The following KIF6 variants were observed in gnomAD, a reference collection of about 807,000 sequenced individuals.
KIF6 encodes the protein kinesin family member 6.
A neutral mutation model predicts 112.7 loss-of-function variants in KIF6; 106 were observed. The observed-to-expected ratio is 0.94, with a 90% CI of 0.80 to 1.11. The LOEUF is 1.11. Among genes scored for constraint, KIF6 ranks in the 50% least tolerant of loss-of-function variants. The pLI is 0.00. For missense variants in KIF6, 929 were observed against 964.0 expected (o/e 0.96, Z 0.48); for synonymous variants, 339 against 339.9 (o/e 1.00, Z 0.03).
chr6:39,487,572 C>T (rs1439933235), intron 13 of KIF6, among the ~76,000 whole-genome samples: 4 of 152,074 alleles, frequency 2.6e-5, no homozygotes, highest in Admixed American at 2.0e-4. Flanking sequence ...GGTGTCAATG[C>T]CAAGAGTTCT....
At chr6:39,691,234 A>G (rs1383676233) in intron 3 of KIF6, 1 of 152,224 alleles carries the variant, frequency 6.6e-6, no homozygotes, top group Non-Finnish European at 1.5e-5. Flanking sequence ...TTTCTGAGAG[A>G]AGAGTAAAGG....
At chr6:39,545,885 A>AT (rs1167900486) in intron 10 of KIF6, among the ~76,000 whole-genome samples, 197 bp from the exon 11 acceptor site, 2 of 152,206 alleles carry the variant, frequency 1.3e-5, no homozygotes, top group African/African-American at 4.8e-5. Context: ...TATTTGACTA[A>AT]TTTCCAGTGA....
At chr6:39,537,746 C>T (rs1778529738) in intron 13 of KIF6, among the ~76,000 whole-genome samples, 1 of 152,118 alleles carries the variant, frequency 6.6e-6, no homozygotes, top group African/African-American at 2.4e-5. Flanking sequence ...CAAAAAAGAG[C>T]CCGCATCACC....
chr6:39,358,270 T>C (rs1242333849), intron 18 of KIF6, among the ~76,000 whole-genome samples: 1 of 152,260 alleles, frequency 6.6e-6, no homozygotes, highest in Non-Finnish European at 1.5e-5. Context: ...AAGGCTATCC[T>C]AGAAGTTTCT....
intron 13 of KIF6, among the ~76,000 whole-genome samples, chr6:39,456,984 A>G (rs1773162698): frequency 6.8e-6 from 1 of 146,634 alleles, no homozygotes; most frequent in Admixed American, 6.8e-5. Context: ...CAACAAGGAT[A>G]CCCAGGAATT....
At chr6:39,464,673 G>A (rs1353518320) in intron 13 of KIF6, among the ~76,000 whole-genome samples, 2 of 152,158 alleles carry the variant, frequency 1.3e-5, no homozygotes, top group South Asian at 2.1e-4. Flanking sequence ...GGGCAGCCAG[G>A]TGGGGCCAGC....
intron 13 of KIF6, chr6:39,431,464 G>A (rs560165383): frequency 6.0e-5 from 16 of 267,760 alleles, no homozygotes; most frequent in Non-Finnish European, 8.4e-5. Flanking sequence ...CTGGACTGCC[G>A]AGGATGTCTG....
chr6:39,654,830 T>C (rs2465671), intron 3 of KIF6, among the ~76,000 whole-genome samples: 6,024 of 152,306 alleles, frequency 0.04, 346 homozygotes, highest in African/African-American at 0.13. Flanking sequence ...CTCACATCAG[T>C]AGATCCACCT....
chr6:39,489,878 G>A (rs1775365908), intron 13 of KIF6, among the ~76,000 whole-genome samples: 1 of 152,176 alleles, frequency 6.6e-6, no homozygotes, highest in African/African-American at 2.4e-5. Flanking sequence ...AGAGCAGAAA[G>A]CAGAAAATAT....
chr6:39,549,924 A>G (rs967099515), intron 10 of KIF6, among the ~76,000 whole-genome samples: 4 of 152,154 alleles, frequency 2.6e-5, no homozygotes, highest in Non-Finnish European at 5.9e-5. Context: ...TGTAACACAC[A>G]TAAGAAGACT....
At chr6:39,522,050 T>C (rs1777429958) in intron 13 of KIF6, among the ~76,000 whole-genome samples, 1 of 151,770 alleles carries the variant, frequency 6.6e-6, no homozygotes, top group Admixed American at 6.6e-5. Context: ...TCCATTGCAG[T>C]TTAACTCTCC....
At chr6:39,598,334 T>C (rs1324909869) in intron 6 of KIF6, among the ~76,000 whole-genome samples, 3 of 152,158 alleles carry the variant, frequency 2.0e-5, no homozygotes, top group Middle Eastern at 3.2e-3. Context: ...AATTTATACA[T>C]AATCAGAACC....
At chr6:39,711,476 T>C (rs536886843) in intron 3 of KIF6, among the ~76,000 whole-genome samples, 2 of 152,120 alleles carry the variant, frequency 1.3e-5, no homozygotes, top group Admixed American at 1.3e-4. Context: ...GCTTAAGTGA[T>C]CCTCCCACCC....
intron 19 of KIF6, among the ~76,000 whole-genome samples, chr6:39,356,119 A>G (rs908750655): frequency 1.3e-5 from 2 of 151,880 alleles, no homozygotes; most frequent in African/African-American, 2.4e-5. Flanking sequence ...AATTTGAGGC[A>G]TGCTAGTCAG....
rs1763766405 is a variant in KIF6 at position 39,346,132 on chromosome 6, C to CTCTCT, written c.2231+343_2232-343insAGAGA. On this transcript the variant is annotated intron_variant, in intron 20 of 22. Coordinates refer to ENST00000287152, the MANE Select transcript of KIF6 (RefSeq NM_145027.6). Reference sequence around the variant, plus strand: ...CTCCCTCTCCCTCTCCCTCCCTCTCCCTCTCTCTCTCTCTCTCTCTCTCTC... The same window carrying CTCTCT: ...CTCCCTCTCCCTCTCCCTCCCTCTCCTCTCTCTCTCTCTCTCTCTCTCTCTCTCTC... 1.4e-3 allele frequency among the ~76,000 whole-genome samples: 38 copies of CTCTCT among 26,934 alleles called. 2 individuals carry two copies. Among genetic ancestry groups the CTCTCT allele is most frequent in the Non-Finnish European group, 1.9e-3 (26 of 13,914 alleles). 17.7% of individuals were successfully genotyped at this position (26,934 alleles called of 152,430 possible).
intron 3 of KIF6, among the ~76,000 whole-genome samples, chr6:39,678,546 T>C (rs1324867811): frequency 6.6e-6 from 1 of 152,204 alleles, no homozygotes; most frequent in East Asian, 1.9e-4. Context: ...TCCCACTGTG[T>C]TCCACTTTGA....
In KIF6 at chr6:39,423,851, C is replaced by T. The variant is rs1417014540; in HGVS notation, c.1755-3848G>A. ...TAGCTCCAACTGCCTGAGAGCAGAA[C>T]GCTGCCATCTCTCCCAGATTATTGC... On this transcript the variant is annotated intron_variant, in intron 14 of 22. Transcript: ENST00000287152. 3.9e-5 allele frequency among the ~76,000 whole-genome samples: 6 copies of T among 152,270 alleles called. No homozygotes were observed. The South Asian group carries it at 6.2e-4, about 16-fold the overall frequency.
chr6:39,405,510 A>G (rs552266398), intron 15 of KIF6, among the ~76,000 whole-genome samples: 1 of 152,280 alleles, frequency 6.6e-6, no homozygotes, highest in African/African-American at 2.4e-5. Flanking sequence ...GGTGGATTAT[A>G]TTGATTGATT....
intron 10 of KIF6, among the ~76,000 whole-genome samples, chr6:39,563,332 T>C (rs947190949): frequency 6.6e-6 from 1 of 152,178 alleles, no homozygotes; most frequent in South Asian, 2.1e-4. Context: ...TTTCCAGACT[T>C]GTTTGTAAAC....
Sources: allele counts gnomAD v4.1 joint callset (sites outside exome capture counted in the v4.1 genomes callset), GRCh38; gene constraint gnomAD v4.1.1; transcripts MANE v1.5; gene names NCBI Gene and HGNC (gene_info 2026-07-23, HGNC 2026-07-21).